FBXL17: variants seen among roughly 807,000 people sequenced by gnomAD.
FBXL17 encodes the protein F-box/LRR-repeat protein 17.
FBXL17 carries 22 observed loss-of-function variants against 66.2 expected under a neutral mutation model. The observed-to-expected ratio is 0.33, with a 90% CI of 0.24 to 0.47. The LOEUF (loss-of-function observed/expected upper bound fraction) is 0.47, where lower values mean the gene tolerates loss of function less well. Among genes scored for constraint, FBXL17 ranks in the 20% least tolerant of loss-of-function variants. The pLI is 1.00. For synonymous variants in FBXL17, 474 were observed against 400.5 expected (o/e 1.18, Z -2.19); for missense variants, 878 against 948.2 (o/e 0.93, Z 0.97).
chr5:108,083,273 A>G lies in FBXL17; in HGVS notation c.1746-62272T>C, dbSNP rs1748844889. On this transcript the variant is annotated intron_variant, in intron 6 of 8. Transcript: ENST00000542267. ...CACAGAGAGAGAGATAGACAGATAT[A>G]TTAAGACAGCAGCTTCTTTTATCAT... is the stretch of plus-strand genomic sequence containing the variant. 2.0e-5 allele frequency among the ~76,000 whole-genome samples: 3 copies of G among 152,136 alleles called. No individual in the cohort carries two copies. The South Asian group carries it at 6.2e-4, about 32-fold the overall frequency.
chr5:108,035,662 C>G (rs1444167638), intron 6 of FBXL17, among the ~76,000 whole-genome samples: 1 of 152,024 alleles, frequency 6.6e-6, no homozygotes, highest in East Asian at 1.9e-4. Context: ...CCACCACATC[C>G]GGCTGGGAGA....
intron 7 of FBXL17, among the ~76,000 whole-genome samples, chr5:107,942,752 G>C (rs1751151743): frequency 6.9e-6 from 1 of 144,666 alleles, no homozygotes; most frequent in Non-Finnish European, 1.5e-5. Context: ...GTACAAACAG[G>C]CACAATTATC....
chr5:107,958,730 T>A (rs921530077), intron 7 of FBXL17, among the ~76,000 whole-genome samples: 2 of 152,192 alleles, frequency 1.3e-5, no homozygotes, highest in Non-Finnish European at 2.9e-5. Context: ...TCCCAGATAA[T>A]GTGGCTGCCA....
intron 3 of FBXL17, among the ~76,000 whole-genome samples, chr5:108,357,901 T>A (rs1165972848): frequency 1.3e-5 from 2 of 152,100 alleles, no homozygotes; most frequent in Non-Finnish European, 2.9e-5. Flanking sequence ...TCAAAATTTA[T>A]GAGATCCAGC....
At chr5:108,258,842 T>C (rs1489657009) in intron 4 of FBXL17, among the ~76,000 whole-genome samples, 1 of 151,036 alleles carries the variant, frequency 6.6e-6, no homozygotes, top group Non-Finnish European at 1.5e-5. Context: ...GCTGAAGTGA[T>C]AACACACAGA....
chr5:107,883,584 T>C (rs1748865895), intron 7 of FBXL17, among the ~76,000 whole-genome samples: 2 of 152,106 alleles, frequency 1.3e-5, no homozygotes, highest in African/African-American at 4.8e-5. Flanking sequence ...AGATCTCAGG[T>C]CAAAGGTCAA....
chr5:107,942,901 G>C (rs1406444030), intron 7 of FBXL17, among the ~76,000 whole-genome samples: 1 of 151,932 alleles, frequency 6.6e-6, no homozygotes, highest in African/African-American at 2.4e-5. Context: ...TCATCATGCT[G>C]ACTGCTCTGA....
chr5:107,950,351 T>A (rs535881965), intron 7 of FBXL17, among the ~76,000 whole-genome samples: 1 of 152,340 alleles, frequency 6.6e-6, no homozygotes, highest in African/African-American at 2.4e-5. Context: ...TTTACAAATA[T>A]CTTCTTGCCA....
intron 6 of FBXL17, among the ~76,000 whole-genome samples, chr5:108,108,078 C>T (rs181935513): frequency 4.6e-5 from 7 of 152,202 alleles, no homozygotes; most frequent in Non-Finnish European, 1.0e-4. Context: ...GGACTTTGTA[C>T]GTACTGTTTA....
chr5:108,262,886 A>G (rs1375211581), intron 4 of FBXL17, among the ~76,000 whole-genome samples: 8 of 152,232 alleles, frequency 5.3e-5, no homozygotes, highest in Admixed American at 5.2e-4. Flanking sequence ...CTACCTATTT[A>G]TAATTTTTAA....
chr5:108,369,344 T>C (rs1748879031), intron 1 of FBXL17, among the ~76,000 whole-genome samples: 1 of 152,176 alleles, frequency 6.6e-6, no homozygotes, highest in Non-Finnish European at 1.5e-5. Flanking sequence ...ATGTATATCT[T>C]ATGTCTCATG....
intron 6 of FBXL17, among the ~76,000 whole-genome samples, chr5:108,097,048 AAGGTGTCAAGGGAGGGG>A (rs1359855960): frequency 6.6e-6 from 1 of 152,114 alleles, no homozygotes; most frequent in Non-Finnish European, 1.5e-5. Context: ...TTGTAATCCC[AAGGTGTCAAGGGAGGGG>A]CCTGGTGGGA....
chr5:107,910,958 T>A (rs1198753541), intron 7 of FBXL17, among the ~76,000 whole-genome samples: 2 of 152,142 alleles, frequency 1.3e-5, no homozygotes, highest in East Asian at 3.8e-4. Flanking sequence ...TATAAATACG[T>A]CCTTTGTCTT....
At chr5:108,280,706 A>G (rs753420192) in intron 4 of FBXL17, among the ~76,000 whole-genome samples, 3 of 148,108 alleles carry the variant, frequency 2.0e-5, no homozygotes, top group Non-Finnish European at 4.5e-5. Context: ...TGCTCCAATT[A>G]AAAGCTATAC....
rs192298770 is a variant in FBXL17 at position 108,098,280 on chromosome 5, T to C, written c.1746-77279A>G. Among the ~76,000 whole-genome samples, 1,090 of 152,040 alleles carry C rather than the reference T, an allele frequency of 7.2e-3. 6 individuals are homozygous for C. The highest frequency in any genetic ancestry group is 0.031 in the Middle Eastern group (9 of 294). Reference sequence around the variant, plus strand: ...AATGTTTTGATTTCTTAAAGAAGGGTAGCTTGAACTCAGATGGTGAAGGCT... The same window carrying C: ...AATGTTTTGATTTCTTAAAGAAGGGCAGCTTGAACTCAGATGGTGAAGGCT... On this transcript the variant is annotated intron_variant, in intron 6 of 8. Transcript: ENST00000542267.
At chr5:108,379,980 G>C (rs1749727096) in intron 1 of FBXL17, among the ~76,000 whole-genome samples, 1 of 152,108 alleles carries the variant, frequency 6.6e-6, no homozygotes, top group Admixed American at 6.5e-5. Flanking sequence ...TTTAAGTCAG[G>C]TGGTCTTAAA....
At position 108,293,234 on chromosome 5, in the gene FBXL17, A is replaced by G. The variant is rs533831459; in HGVS notation, c.1506+55165T>C. Among the ~76,000 whole-genome samples the G allele has an allele frequency of 1.1e-3, 167 of 152,230 alleles. 3 individuals carry two copies. Among genetic ancestry groups the G allele is most frequent in the African/African-American group, 3.8e-3 (158 of 41,556 alleles). On this transcript the variant is annotated intron_variant, in intron 4 of 8. Transcript: ENST00000542267. ...GGAATCATTACATCTTACAATAAGG[A>G]TTTCTCATTATAAAGTGAAATATTG...
At chr5:108,086,122 G>C (rs1406310587) in intron 6 of FBXL17, among the ~76,000 whole-genome samples, 2 of 151,992 alleles carry the variant, frequency 1.3e-5, no homozygotes, top group Non-Finnish European at 1.5e-5. Context: ...ACCTAGAGAG[G>C]TCACAGTCTC....
At chr5:108,128,722 A>G (rs1750812314) in intron 6 of FBXL17, among the ~76,000 whole-genome samples, 1 of 152,210 alleles carries the variant, frequency 6.6e-6, no homozygotes, top group Non-Finnish European at 1.5e-5. Context: ...CAAGCAGTTT[A>G]AAATTTTAAT....
Sources: allele counts gnomAD v4.1 joint callset (sites outside exome capture counted in the v4.1 genomes callset), GRCh38; gene constraint gnomAD v4.1.1; transcripts MANE v1.5; gene names NCBI Gene and HGNC (gene_info 2026-07-23, HGNC 2026-07-21).